The following SORBS2 variants were observed in gnomAD, a reference collection of about 807,000 sequenced individuals.
SORBS2 encodes the protein sorbin and SH3 domain-containing protein 2.
In SORBS2, 46 loss-of-function variants were observed where a neutral mutation model predicts 97.7. That is an observed-to-expected ratio of 0.47 (90% CI 0.37 to 0.60). The LOEUF (loss-of-function observed/expected upper bound fraction) is 0.60, where lower values mean the gene tolerates loss of function less well. Among genes scored for constraint, SORBS2 ranks in the 20% least tolerant of loss-of-function variants. SORBS2 has a pLI of 0.00. For missense variants in SORBS2, 1,316 were observed against 1,282.3 expected (o/e 1.03, Z -0.40); for synonymous variants, 476 against 473.4 (o/e 1.01, Z -0.07).
chr4:185,693,653 C>A (rs979602256), intron 2 of SORBS2, among the ~76,000 whole-genome samples: 2 of 152,108 alleles, frequency 1.3e-5, no homozygotes, highest in African/African-American at 4.8e-5. Flanking sequence ...GGTTTTAAAA[C>A]GGAATGAGGA....
intron 11 of SORBS2, among the ~76,000 whole-genome samples, chr4:185,614,376 C>A (rs2096596418): frequency 6.6e-6 from 1 of 151,826 alleles, no homozygotes; most frequent in South Asian, 2.1e-4. Flanking sequence ...AGAGATGGCT[C>A]TTAAAGCGGC....
chr4:185,847,484 T>A (rs923186466), intron 1 of SORBS2, among the ~76,000 whole-genome samples: 3 of 152,034 alleles, frequency 2.0e-5, no homozygotes, highest in African/African-American at 4.8e-5. Flanking sequence ...TAGCTCAGAA[T>A]CCATCCTCGC....
intron 1 of SORBS2, among the ~76,000 whole-genome samples, chr4:185,845,741 A>C (rs899038390): frequency 6.6e-6 from 1 of 152,250 alleles, no homozygotes; most frequent in Non-Finnish European, 1.5e-5. Flanking sequence ...AGAAGCAAAA[A>C]AATAGGCAAA....
At chr4:185,647,030 A>C (rs2153455329) in intron 3 of SORBS2, among the ~76,000 whole-genome samples, 1 of 152,294 alleles carries the variant, frequency 6.6e-6, no homozygotes, top group South Asian at 2.1e-4. Context: ...ATTTGTGCTT[A>C]AAATAGGTGG....
intron 1 of SORBS2, among the ~76,000 whole-genome samples, chr4:185,879,155 A>C (rs1249869454): frequency 8.4e-6 from 1 of 119,526 alleles, no homozygotes; most frequent in African/African-American, 3.8e-5. Context: ...ATATCTCCTA[A>C]TGCTATCCCT....
intron 1 of SORBS2, among the ~76,000 whole-genome samples, chr4:185,824,597 G>A (rs527698791): frequency 2.5e-4 from 38 of 152,238 alleles, no homozygotes; most frequent in African/African-American, 8.2e-4. Flanking sequence ...ACCAACTCAG[G>A]GACAACTCAA....
intron 1 of SORBS2, among the ~76,000 whole-genome samples, chr4:185,874,866 T>TTTTTTTTTTTGC (rs775209042): frequency 2.6e-5 from 3 of 113,524 alleles, no homozygotes; most frequent in Non-Finnish European, 6.0e-5. Context: ...TGATTTTTTT[T>TTTTTTTTTTTGC]TTTTTTGCAT....
chr4:185,681,252 A>G (rs1303205151), intron 2 of SORBS2, among the ~76,000 whole-genome samples: 1 of 152,166 alleles, frequency 6.6e-6, no homozygotes, highest in Non-Finnish European at 1.5e-5. Context: ...TTGCTCTTTT[A>G]TTATAGTCTT....
intron 12 of SORBS2, among the ~76,000 whole-genome samples, chr4:185,601,691 A>AG (rs969879434): frequency 1.3e-5 from 2 of 149,590 alleles, no homozygotes; most frequent in African/African-American, 4.9e-5. Flanking sequence ...GAGCTCTTAG[A>AG]GAAAAAAAAT....
chr4:185,717,135 C>T (rs944268095), intron 2 of SORBS2, among the ~76,000 whole-genome samples: 4 of 152,174 alleles, frequency 2.6e-5, no homozygotes, highest in East Asian at 3.8e-4. Flanking sequence ...TCGTGGCTGG[C>T]GTGGGAGCGC....
upstream of SORBS2, among the ~76,000 whole-genome samples, chr4:185,658,043 T>C (rs2097437810): frequency 6.6e-6 from 1 of 152,200 alleles, no homozygotes; most frequent in South Asian, 2.1e-4. Flanking sequence ...CTACTACTAT[T>C]ATTTATAGGT....
At chr4:185,652,512 CAGA>C in intron 2 of SORBS2, 147 bp downstream of exon 10, 3 of 669,470 alleles carry the variant, frequency 4.5e-6, no homozygotes, top group Non-Finnish European at 8.1e-6. Context: ...GGAGGGGTGA[CAGA>C]AGGAGAACAG....
At chr4:185,589,135 C>G (rs2095861259) in intron 14 of SORBS2, 1 of 152,596 alleles carries the variant, frequency 6.6e-6, no homozygotes, top group Non-Finnish European at 1.5e-5. Context: ...CCCAGAAGAC[C>G]TCTCGTCTTT....
intron 2 of SORBS2, among the ~76,000 whole-genome samples, chr4:185,696,332 T>G (rs1304664672): frequency 2.0e-5 from 3 of 152,216 alleles, no homozygotes; most frequent in Non-Finnish European, 4.4e-5. Context: ...ACTTTACTGA[T>G]TAGAAGTTGA....
At chr4:185,779,637 A>G (rs2099017578) in intron 1 of SORBS2, among the ~76,000 whole-genome samples, 1 of 152,212 alleles carries the variant, frequency 6.6e-6, no homozygotes, top group Non-Finnish European at 1.5e-5. Context: ...TCCCAGTAGG[A>G]AGGAAGTAAA....
At chr4:185,689,826 A>G (rs1016684128) in intron 2 of SORBS2, among the ~76,000 whole-genome samples, 2 of 152,220 alleles carry the variant, frequency 1.3e-5, no homozygotes. Context: ...TCCAGTGATC[A>G]CTTGTGGATA....
At chr4:185,921,276 TA>T (rs1345633449) in intron 1 of SORBS2, among the ~76,000 whole-genome samples, 2 of 152,198 alleles carry the variant, frequency 1.3e-5, no homozygotes, top group Non-Finnish European at 2.9e-5. Context: ...ATCAATACCG[TA>T]AGGATTAGCT....
At chr4:185,916,310 G>T (rs1320159201) in intron 1 of SORBS2, among the ~76,000 whole-genome samples, 1 of 152,196 alleles carries the variant, frequency 6.6e-6, no homozygotes, top group Non-Finnish European at 1.5e-5. Context: ...AAAAACTATT[G>T]TATGGATATG....
intron 12 of SORBS2, among the ~76,000 whole-genome samples, chr4:185,601,094 C>T (rs983040000): frequency 2.0e-5 from 3 of 152,196 alleles, no homozygotes; most frequent in African/African-American, 7.2e-5. Context: ...GTGGTTTTCT[C>T]AACTCTCATT....
Sources: gnomAD v4.1 joint callset for allele counts (sites outside exome capture counted in the v4.1 genomes callset) on GRCh38, gnomAD v4.1.1 for gene constraint, MANE v1.5 for transcripts, NCBI Gene and HGNC (gene_info 2026-07-23, HGNC 2026-07-21) for gene names.